Variants in PLXNC1 observed in about 807,000 individuals in gnomAD.
PLXNC1 encodes the protein plexin C1.
In PLXNC1, 75 loss-of-function variants were observed where a neutral mutation model predicts 178.2. That is an observed-to-expected ratio of 0.42 (90% CI 0.35 to 0.51). The LOEUF is 0.51. Ranked by LOEUF, PLXNC1 falls within the 20% of genes least tolerant of loss-of-function variation. The pLI is 0.02. For synonymous variants in PLXNC1, 790 were observed against 779.9 expected (o/e 1.01, Z -0.22); for missense variants, 1,503 against 1,984.4 (o/e 0.76, Z 4.61).
chr12:94,212,067 G>A (rs1367611713), intron 5 of PLXNC1, among the ~76,000 whole-genome samples: 1 of 152,048 alleles, frequency 6.6e-6, no homozygotes, highest in African/African-American at 2.4e-5. Context: ...GAGGTCAGGA[G>A]ATCGAGACCA....
intron 1 of PLXNC1, among the ~76,000 whole-genome samples, chr12:94,153,806 G>A (rs1248627606): frequency 6.6e-6 from 1 of 152,202 alleles, no homozygotes; most frequent in Non-Finnish European, 1.5e-5. Context: ...TAATTTAACT[G>A]TCATGCAGAC....
At chr12:94,233,196 A>T (rs375080842) in intron 9 of PLXNC1, among the ~76,000 whole-genome samples, 53 of 152,302 alleles carry the variant, frequency 3.5e-4, no homozygotes, top group African/African-American at 1.2e-3. Flanking sequence ...TCAGACCCAG[A>T]CACGGCTGGG....
rs773181546 is a variant in PLXNC1 at position 94,243,977 on chromosome 12, T to C, written c.2340T>C (p.Asp780=). The change falls in exon 12 of 31, where the codon GAT becomes GAC. Residue 780 remains aspartate, a synonymous_variant. Coordinates refer to ENST00000258526, the MANE Select transcript of PLXNC1 (RefSeq NM_005761.3). The part of the protein sequence containing the change: ...QNITMMGRNF[D]VIDNLIISHE... ...TAACCATGATGGGCAGAAATTTTGA[T>C]GTAATTGACAACTTAATCATTTCAC... 1.1e-5 allele frequency: 18 copies of C among 1,600,698 alleles called. No homozygotes were observed. The highest frequency in any genetic ancestry group is 1.3e-5 in the African/African-American group (1 of 74,780).
chr12:94,173,407 C>T (rs1961919457), intron 2 of PLXNC1, among the ~76,000 whole-genome samples: 2 of 152,206 alleles, frequency 1.3e-5, no homozygotes, highest in South Asian at 4.1e-4. Context: ...TAACTTTATG[C>T]ATGCCCATTA....
intron 28 of PLXNC1, 54 bp from the exon 29 acceptor site, chr12:94,303,702 T>TC (rs2136236608): frequency 8.6e-7 from 1 of 1,160,204 alleles, no homozygotes; most frequent in East Asian, 3.1e-5. Flanking sequence ...TCTTTTTTTT[T>TC]TTTTTTTTTT....
rs566847085 is a variant in PLXNC1 at position 94,290,619 on chromosome 12, C to G, written c.3880-3867C>G. 2.1e-3 allele frequency among the ~76,000 whole-genome samples: 323 copies of G among 152,348 alleles called. 3 individuals are homozygous for G. The highest frequency in any genetic ancestry group is 7.0e-3 in the African/African-American group (289 of 41,578). ...GCTGTGTTTGAGGACCTCTTGAGGG[C>G]TGGCTCTTGCTCTGTGTTCCTCCCT... On this transcript the variant is annotated intron_variant, in intron 23 of 30. Coordinates refer to ENST00000258526, the MANE Select transcript of PLXNC1 (RefSeq NM_005761.3).
intron 9 of PLXNC1, among the ~76,000 whole-genome samples, chr12:94,231,815 T>G (rs9943822): frequency 0.094 from 14,347 of 152,170 alleles, 827 homozygotes; most frequent in African/African-American, 0.15. Flanking sequence ...CGTTGGCCCT[T>G]TTACCCTGCC....
At position 94,196,343 on chromosome 12, in the gene PLXNC1, A is replaced by G. The variant is rs150642220; in HGVS notation, c.1439+9870A>G. 4.6e-3 allele frequency among the ~76,000 whole-genome samples: 693 copies of G among 151,886 alleles called. 6 individuals are homozygous for G. Among genetic ancestry groups the G allele is most frequent in the African/African-American group, 0.015 (641 of 41,404 alleles). ...CCTTGGCAATAGTGAGCGAGTTCTC[A>G]CTCTGAGTTCACAGGAGATCTGGTT... On this transcript the variant is annotated intron_variant, in intron 4 of 30. Coordinates refer to ENST00000258526, the MANE Select transcript of PLXNC1 (RefSeq NM_005761.3).
At chr12:94,182,585 C>T (rs1254094972) in intron 3 of PLXNC1, among the ~76,000 whole-genome samples, 6 of 151,504 alleles carry the variant, frequency 4.0e-5, no homozygotes, top group African/African-American at 7.3e-5. Flanking sequence ...ATTAGCTGGG[C>T]GTGGTGGTGC....
intron 4 of PLXNC1, among the ~76,000 whole-genome samples, chr12:94,205,453 T>G (rs571566018): frequency 5.9e-5 from 9 of 152,332 alleles, no homozygotes; most frequent in Non-Finnish European, 1.2e-4. Context: ...TAAAGTTACA[T>G]TATGGATAAG....
At chr12:94,247,570 G>A (rs1028605206) in intron 12 of PLXNC1, among the ~76,000 whole-genome samples, 2 of 152,134 alleles carry the variant, frequency 1.3e-5, no homozygotes, top group African/African-American at 4.8e-5. Flanking sequence ...CTAGCCTACT[G>A]CTTTCAGCCT....
rs375529633 is a variant in PLXNC1 at position 94,149,961 on chromosome 12, C to T, written c.990C>T (p.Leu330=). 6.3e-7 allele frequency: 1 copy of T among 1,591,964 alleles called. No individual in the cohort carries two copies. Among genetic ancestry groups the T allele is most frequent in the Non-Finnish European group, 8.5e-7 (1 of 1,170,352 alleles). Residue 330 remains leucine (L), a synonymous_variant, in exon 1 of 31, where the codon CTC becomes CTT. Transcript: ENST00000258526. ...CCCCCACCACCACGGCGCTCTGCCT[C>T]TTCAGAATGAGTGAGATCCAGGCGC... is the stretch of plus-strand genomic sequence containing the variant. ...RRSPTTTALC[L]FRMSEIQARA... is the part of the protein sequence containing the mutation.
intron 15 of PLXNC1, among the ~76,000 whole-genome samples, chr12:94,252,973 G>A (rs1964738523): frequency 6.6e-6 from 1 of 152,184 alleles, no homozygotes; most frequent in Non-Finnish European, 1.5e-5. Context: ...AGCACTTTGG[G>A]AGGCTGAGGC....
intron 4 of PLXNC1, among the ~76,000 whole-genome samples, chr12:94,198,606 G>A (rs1402757199): frequency 2.0e-5 from 3 of 152,108 alleles, no homozygotes; most frequent in South Asian, 2.1e-4. Context: ...CAAATTTATC[G>A]TCTCCCAGTT....
chr12:94,172,584 G>A (rs1307404137), intron 2 of PLXNC1, among the ~76,000 whole-genome samples: 1 of 152,180 alleles, frequency 6.6e-6, no homozygotes, highest in Non-Finnish European at 1.5e-5. Context: ...AGAAGCAACT[G>A]CTGTCAGCAT....
chr12:94,249,399 GT>G (rs1565830163), intron 14 of PLXNC1, among the ~76,000 whole-genome samples: 1 of 152,132 alleles, frequency 6.6e-6, no homozygotes, highest in African/African-American at 2.4e-5. Context: ...CACCTGGCTA[GT>G]TTTTTCTATT....
intron 1 of PLXNC1, 37 bp from the exon 2 acceptor site, chr12:94,169,113 AATT>A (rs761179615): frequency 5.1e-6 from 8 of 1,565,442 alleles, no homozygotes; most frequent in South Asian, 4.6e-5. Context: ...TGTTGTTAAA[AATT>A]ATTATTATTT....
chr12:94,192,525 T>C (rs567715474), intron 4 of PLXNC1, among the ~76,000 whole-genome samples: 1 of 151,888 alleles, frequency 6.6e-6, no homozygotes, highest in African/African-American at 2.4e-5. Context: ...TTATTTACAT[T>C]TGTTTTTCAT....
At chr12:94,209,422 G>T (rs975807193) in intron 4 of PLXNC1, among the ~76,000 whole-genome samples, 168 bp from the exon 5 acceptor site, 1 of 152,190 alleles carries the variant, frequency 6.6e-6, no homozygotes, top group Admixed American at 6.5e-5. Context: ...GCTTTTCATG[G>T]TTTTAGCATC....
Sources: allele counts gnomAD v4.1 joint callset (sites outside exome capture counted in the v4.1 genomes callset), GRCh38; gene constraint gnomAD v4.1.1; transcripts MANE v1.5; gene names NCBI Gene and HGNC (gene_info 2026-07-23, HGNC 2026-07-21).